The following PCDH15 variants were observed in gnomAD, a reference collection of about 807,000 sequenced individuals.
The protein encoded by PCDH15 is protocadherin related 15, also known as protocadherin-15.
A neutral mutation model predicts 178.5 loss-of-function variants in PCDH15; 129 were observed. The ratio of observed to expected loss-of-function variants is 0.72; its 90% CI spans 0.63 to 0.84. The LOEUF (loss-of-function observed/expected upper bound fraction) is 0.84, where lower values mean the gene tolerates loss of function less well. Among genes scored for constraint, PCDH15 ranks in the 40% least tolerant of loss-of-function variants. PCDH15 has a pLI of 0.00. For missense variants in PCDH15, 2,230 were observed against 2,099.9 expected, an observed-to-expected ratio of 1.06 and a Z score of -1.21; for synonymous variants, 800 against 732.0, an observed-to-expected ratio of 1.09 and a Z score of -1.50.
intron 2 of PCDH15, among the ~76,000 whole-genome samples, chr10:54,626,577 G>A (rs1378634681): frequency 6.6e-6 from 1 of 152,230 alleles, no homozygotes; most frequent in East Asian, 1.9e-4. Flanking sequence ...CAAGAATTGA[G>A]TTTTGGGAAC....
At chr10:54,752,830 G>A (rs6481119) in intron 1 of PCDH15, among the ~76,000 whole-genome samples, 76,004 of 151,680 alleles carry the variant, frequency 0.5, 19,614 homozygotes, top group Middle Eastern at 0.68. Flanking sequence ...CATACATGGA[G>A]CCACAGGAAG....
At chr10:54,822,285 C>G (rs1188458609) in intron 3 of PCDH15, among the ~76,000 whole-genome samples, 3 of 152,044 alleles carry the variant, frequency 2.0e-5, no homozygotes, top group Non-Finnish European at 4.4e-5. Context: ...TTTACCAAAG[C>G]TTTTATAGCT....
chr10:55,593,822 C>G (rs998913861), intron 2 of PCDH15, among the ~76,000 whole-genome samples: 1 of 151,618 alleles, frequency 6.6e-6, no homozygotes, highest in African/African-American at 2.4e-5. Context: ...GATCTAATTA[C>G]CATTAGATCC....
intron 2 of PCDH15, among the ~76,000 whole-genome samples, chr10:54,545,931 C>A (rs1464850490): frequency 6.6e-6 from 1 of 152,212 alleles, no homozygotes; most frequent in Non-Finnish European, 1.5e-5. Flanking sequence ...GCAGAAGACA[C>A]TCTCATGACA....
chr10:54,218,033 G>A (rs1349727417), intron 9 of PCDH15, among the ~76,000 whole-genome samples: 1 of 152,092 alleles, frequency 6.6e-6, no homozygotes, highest in Admixed American at 6.5e-5. Context: ...TACGAGTGTT[G>A]CAAAATAACG....
intron 2 of PCDH15, among the ~76,000 whole-genome samples, chr10:55,372,890 A>G (rs1229134844): frequency 6.6e-6 from 1 of 151,988 alleles, no homozygotes; most frequent in Non-Finnish European, 1.5e-5. Context: ...TCTATTTATT[A>G]CATTCTATTT....
At chr10:55,360,326 G>A (rs1266931301) in intron 2 of PCDH15, among the ~76,000 whole-genome samples, 3 of 151,856 alleles carry the variant, frequency 2.0e-5, no homozygotes, top group Admixed American at 6.6e-5. Context: ...AAAATAATAA[G>A]AGGCTATCTT....
chr10:54,284,175 T>C (rs1423582235), intron 8 of PCDH15, among the ~76,000 whole-genome samples: 5 of 152,110 alleles, frequency 3.3e-5, no homozygotes, highest in Non-Finnish European at 5.9e-5. Flanking sequence ...ACAAAATGGA[T>C]TAGAATTAAC....
At chr10:54,232,536 C>A (rs76628113) in intron 9 of PCDH15, among the ~76,000 whole-genome samples, 3,635 of 152,228 alleles carry the variant, frequency 0.024, 133 homozygotes, top group African/African-American at 0.082. Context: ...GTGGGAAGAT[C>A]TTTTTGATTA....
At chr10:55,419,314 G>C (rs1433041179) in intron 2 of PCDH15, among the ~76,000 whole-genome samples, 1 of 151,694 alleles carries the variant, frequency 6.6e-6, no homozygotes, top group Non-Finnish European at 1.5e-5. Context: ...TAGATTGCAC[G>C]GATTTTGATG....
At chr10:54,034,297 C>A (rs929089023) in intron 18 of PCDH15, among the ~76,000 whole-genome samples, 3 of 151,824 alleles carry the variant, frequency 2.0e-5, no homozygotes, top group African/African-American at 7.2e-5. Flanking sequence ...GTGTTTTTCT[C>A]TATTTTACAC....
At chr10:53,899,146 G>GGT (rs567503309) in intron 26 of PCDH15, among the ~76,000 whole-genome samples, 1 of 149,654 alleles carries the variant, frequency 6.7e-6, no homozygotes, top group African/African-American at 2.5e-5. Context: ...TTTTTTCGGG[G>GGT]GGGGGTGGTC....
At chr10:54,221,996 T>C (rs2052878264) in intron 9 of PCDH15, among the ~76,000 whole-genome samples, 1 of 152,230 alleles carries the variant, frequency 6.6e-6, no homozygotes, top group Admixed American at 6.5e-5. Flanking sequence ...CAATAGTTTA[T>C]TTATTTCTAT....
chr10:55,338,909 C>T (rs911874811), intron 2 of PCDH15, among the ~76,000 whole-genome samples: 1 of 151,978 alleles, frequency 6.6e-6, no homozygotes, highest in Non-Finnish European at 1.5e-5. Flanking sequence ...TTCTTATTCA[C>T]ATGTGAAAGC....
chr10:55,542,458 T>A (rs993431685), intron 2 of PCDH15, among the ~76,000 whole-genome samples: 1 of 150,972 alleles, frequency 6.6e-6, no homozygotes, highest in East Asian at 1.9e-4. Context: ...ATGTATTTAA[T>A]ACGTATTTTA....
At chr10:53,985,607 C>A (rs1304342518) in intron 21 of PCDH15, among the ~76,000 whole-genome samples, 1 of 152,076 alleles carries the variant, frequency 6.6e-6, no homozygotes, top group Non-Finnish European at 1.5e-5. Context: ...AAACAGAATA[C>A]TTGGGTCCAG....
intron 1 of PCDH15, among the ~76,000 whole-genome samples, chr10:54,752,413 C>G: frequency 6.7e-6 from 1 of 148,906 alleles, no homozygotes. Context: ...GGAGGCAGAG[C>G]TTGCAGTGAG....
At chr10:54,910,232 G>A (rs551245935) in intron 2 of PCDH15, among the ~76,000 whole-genome samples, 41 of 152,046 alleles carry the variant, frequency 2.7e-4, no homozygotes, top group African/African-American at 8.2e-4. Flanking sequence ...AGCCTGTGGC[G>A]GCCATCAATA....
intron 2 of PCDH15, among the ~76,000 whole-genome samples, chr10:55,621,331 A>T (rs1455608847): frequency 6.6e-6 from 1 of 152,224 alleles, no homozygotes; most frequent in Non-Finnish European, 1.5e-5. Context: ...AATTATTCAA[A>T]AAAGTCTGTC....
Sources: allele counts gnomAD v4.1 joint callset (sites outside exome capture counted in the v4.1 genomes callset), GRCh38; gene constraint gnomAD v4.1.1; transcripts MANE v1.5; gene names NCBI Gene and HGNC (gene_info 2026-07-23, HGNC 2026-07-21).